IBTK: variants seen among roughly 807,000 people sequenced by gnomAD.
The protein encoded by IBTK is inhibitor of Bruton tyrosine kinase.
IBTK carries 83 observed loss-of-function variants against 154.9 expected under a neutral mutation model. The ratio of observed to expected loss-of-function variants is 0.54; its 90% CI spans 0.45 to 0.64. The LOEUF is 0.64. Among genes scored for constraint, IBTK ranks in the 30% least tolerant of loss-of-function variants. The pLI, the probability that IBTK is intolerant of heterozygous loss-of-function variation, is 0.00. For synonymous variants in IBTK, 515 were observed against 536.1 expected (o/e 0.96, Z 0.54); for missense variants, 1,332 against 1,584.6 (o/e 0.84, Z 2.71).
intron 9 of IBTK, among the ~76,000 whole-genome samples, chr6:82,218,702 T>C (rs998581759): frequency 6.6e-6 from 1 of 152,198 alleles, no homozygotes; most frequent in African/African-American, 2.4e-5. Flanking sequence ...TGGAGAATGA[T>C]GAGAGATGGG....
intron 4 of IBTK, among the ~76,000 whole-genome samples, chr6:82,228,233 T>TA (rs1187206049): frequency 6.6e-6 from 1 of 152,100 alleles, no homozygotes; most frequent in Non-Finnish European, 1.5e-5. Flanking sequence ...GAGTAAGAAA[T>TA]AAAGAAACCC....
chr6:82,219,624 T>C (rs1242659309), intron 9 of IBTK, among the ~76,000 whole-genome samples: 1 of 112,490 alleles, frequency 8.9e-6, no homozygotes, highest in African/African-American at 3.5e-5. Flanking sequence ...AATATATAAA[T>C]ACATTAATTG....
chr6:82,211,785 A>G (rs1402549966), intron 13 of IBTK, among the ~76,000 whole-genome samples: 2 of 152,208 alleles, frequency 1.3e-5, no homozygotes, highest in Non-Finnish European at 2.9e-5. Context: ...GGAGCCGAAT[A>G]CAAATATTCA....
rs772890001 is a variant in IBTK at position 82,200,591 on chromosome 6, G to T, written c.2908C>A (p.His970Asn). 5.8e-6 allele frequency: 9 copies of T among 1,544,928 alleles called. No homozygotes were observed. The highest frequency in any genetic ancestry group is 1.2e-5 in the South Asian group (1 of 82,234). Residue 970 changes from histidine (H) to asparagine (N), a missense_variant, in exon 20 of 29, where the codon CAT (histidine) becomes AAT (asparagine). Physicochemically the swap from His to Asn is moderately conservative, Grantham distance 68. Transcript: ENST00000306270. ...AAAAAAAAGAAAACAGCTTACGAATGATTTTGTTCCATATTTATTTCTTCT... is the reference window on the plus strand; with the variant it reads ...AAAAAAAAGAAAACAGCTTACGAATTATTTTGTTCCATATTTATTTCTTCT... ...LKEEINMEQN[H>N]SETMFKKAKT... is the part of the protein sequence containing the mutation.
intron 22 of IBTK, among the ~76,000 whole-genome samples, chr6:82,196,042 T>C (rs953838901): frequency 6.6e-6 from 1 of 152,246 alleles, no homozygotes; most frequent in Non-Finnish European, 1.5e-5. Flanking sequence ...TATAGTGTTA[T>C]TATATTTTAC....
Position 82,227,288 on chromosome 6 carries a change from T to C in IBTK, c.558A>G (p.Lys186=). The change falls in exon 5 of 29, where the codon AAA becomes AAG. Residue 186 remains lysine (K), a synonymous_variant. Transcript: ENST00000306270. ...GIYIKQVVLC[K]FHSVFLSQKG... Reference sequence around the variant, plus strand: ...TCTGAGACAGAAACACGGAGTGAAATTTACAAAGCACCACCTAAGGGAAAA... The same window carrying C: ...TCTGAGACAGAAACACGGAGTGAAACTTACAAAGCACCACCTAAGGGAAAA... The C allele has an allele frequency of 6.2e-7, 1 of 1,605,520 alleles. No homozygotes were observed. Among genetic ancestry groups the C allele is most frequent in the African/African-American group, 1.3e-5 (1 of 74,670 alleles).
chr6:82,215,514 C>T (rs1024338491), intron 11 of IBTK, among the ~76,000 whole-genome samples: 4 of 151,982 alleles, frequency 2.6e-5, no homozygotes, highest in South Asian at 2.1e-4. Context: ...AGGCAGGGTG[C>T]GGTGGCTCAT....
At chr6:82,233,785 C>G (rs1439480261) in intron 3 of IBTK, among the ~76,000 whole-genome samples, 1 of 141,608 alleles carries the variant, frequency 7.1e-6, no homozygotes, top group Non-Finnish European at 1.5e-5. Flanking sequence ...AAGATCTCAA[C>G]TCACTGCAAC....
intron 16 of IBTK, among the ~76,000 whole-genome samples, chr6:82,209,520 TAG>T (rs1769545884): frequency 6.6e-6 from 1 of 152,148 alleles, no homozygotes; most frequent in Non-Finnish European, 1.5e-5. Context: ...GGCAAATCCA[TAG>T]AGACAGAAAA....
intron 21 of IBTK, among the ~76,000 whole-genome samples, chr6:82,197,373 A>G (rs1429919081): frequency 7.2e-6 from 1 of 138,402 alleles, no homozygotes; most frequent in African/African-American, 2.7e-5. Flanking sequence ...ATCTTTTTGA[A>G]TTTTTTTTTT....
At chr6:82,176,919 CT>C (rs1215832075) in intron 26 of IBTK, among the ~76,000 whole-genome samples, 8 of 152,078 alleles carry the variant, frequency 5.3e-5, no homozygotes, top group Non-Finnish European at 7.3e-5. Flanking sequence ...AAATCCCATC[CT>C]GTATTCAAAA....
chr6:82,225,413 T>A, intron 6 of IBTK, 64 bp downstream of exon 6: 1 of 1,321,792 alleles, frequency 7.6e-7, no homozygotes, highest in African/African-American at 1.5e-5. Flanking sequence ...TAACTTACAT[T>A]TTTTTGTTCA....
chr6:82,214,640 ACCATCTG>A lies in IBTK; in HGVS notation c.1784_1790del (p.Ser595LeufsTer24). ...AAATATCTGTAAATTCTGAAGTATT[ACCATCTG>A]AAAGAAACAATTTCTGAAAAAAATC... On this transcript the variant is annotated frameshift_variant, in exon 12 of 29. Coordinates refer to ENST00000306270, the MANE Select transcript of IBTK (RefSeq NM_015525.4). LOFTEE classifies it high-confidence loss of function. 1.2e-6 allele frequency: 2 copies of A among 1,614,002 alleles called. No homozygotes were observed. The highest frequency in any genetic ancestry group is 1.7e-6 in the Non-Finnish European group (2 of 1,179,902).
intron 21 of IBTK, among the ~76,000 whole-genome samples, chr6:82,198,358 T>G (rs937729322): frequency 2.0e-5 from 3 of 152,140 alleles, no homozygotes; most frequent in African/African-American, 7.2e-5. Flanking sequence ...TCACAGAATT[T>G]TAAATTTAGA....
chr6:82,185,410 T>A (rs186513991), intron 25 of IBTK, among the ~76,000 whole-genome samples: 1 of 150,968 alleles, frequency 6.6e-6, no homozygotes, highest in East Asian at 2.0e-4. Flanking sequence ...AAAAATTAGC[T>A]GAGCATGCTG....
At chr6:82,210,958 T>C (rs1325028026) in intron 15 of IBTK, 48 bp from the exon 16 acceptor site, 1 of 1,082,152 alleles carries the variant, frequency 9.2e-7, no homozygotes, top group East Asian at 2.8e-5. Context: ...TTCTAAACAA[T>C]AAAATATTAC....
At chr6:82,232,774 G>C (rs151285948) in intron 3 of IBTK, among the ~76,000 whole-genome samples, 2,507 of 152,232 alleles carry the variant, frequency 0.016, 27 homozygotes, top group Non-Finnish European at 0.024. Context: ...CCAGCACTTT[G>C]AGAGGCCGAG....
intron 9 of IBTK, among the ~76,000 whole-genome samples, chr6:82,218,487 T>C (rs1471225270): frequency 2.0e-5 from 3 of 152,206 alleles, no homozygotes; most frequent in Non-Finnish European, 4.4e-5. Context: ...AAGTCAGGCT[T>C]CTTGTAGTAC....
intron 12 of IBTK, among the ~76,000 whole-genome samples, chr6:82,213,437 A>G (rs1769732356): frequency 6.6e-6 from 1 of 152,170 alleles, no homozygotes; most frequent in African/African-American, 2.4e-5. Flanking sequence ...AAAAAGAAAG[A>G]ATTTCAAATA....
Sources: gnomAD v4.1 joint callset for allele counts (sites outside exome capture counted in the v4.1 genomes callset) on GRCh38, gnomAD v4.1.1 for gene constraint, MANE v1.5 for transcripts, NCBI Gene and HGNC (gene_info 2026-07-23, HGNC 2026-07-21) for gene names.